Variants in CLIC5 observed in about 807,000 individuals in gnomAD.
CLIC5 encodes the protein CLIC family member 5, also known as chloride intracellular channel protein 5.
A neutral mutation model predicts 24.7 loss-of-function variants in CLIC5; 20 were observed. The observed-to-expected ratio is 0.81, with a 90% CI of 0.57 to 1.18. The LOEUF (loss-of-function observed/expected upper bound fraction) is 1.18, where lower values mean the gene tolerates loss of function less well. Ranked by LOEUF, CLIC5 falls within the 50% of genes most tolerant of loss-of-function variation. CLIC5 has a pLI of 0.00. For missense variants in CLIC5, 341 were observed against 326.1 expected (o/e 1.05, Z -0.35); for synonymous variants, 159 against 135.6 (o/e 1.17, Z -1.20).
rs1765232143 is a variant in CLIC5 at position 45,972,440 on chromosome 6, G to A, written c.64-17196C>T. Among the ~76,000 whole-genome samples the A allele has an allele frequency of 2.6e-5, 4 of 152,106 alleles. No individual in the cohort carries two copies. The South Asian group carries it at 8.3e-4, about 32-fold the overall frequency. The stretch of plus-strand genomic sequence containing the variant: ...AGAACACAATGTCCTACAGCTCCAG[G>A]GTCCTCTTGTAAGTTTATCTCTCAA... On this transcript the variant is annotated intron_variant, in intron 1 of 5. Transcript: ENST00000339561.
At chr6:46,119,494 C>T in the CLIC5 span, among the ~76,000 whole-genome samples, 1 of 152,228 alleles carries the variant, frequency 6.6e-6, no homozygotes, top group Non-Finnish European at 1.5e-5. Context: ...CAGTCTACAG[C>T]TCCCAGCGTG....
chr6:46,080,242 T>C (rs1234573562), exon 1 of CLIC5: 1 of 1,549,316 alleles, frequency 6.5e-7, no homozygotes, highest in African/African-American at 1.4e-5. Flanking sequence ...TCGTCATTCA[T>C]GCTTATTGAT....
upstream of CLIC5, among the ~76,000 whole-genome samples, chr6:46,084,953 C>A (rs1280460379): frequency 6.6e-6 from 1 of 152,198 alleles, no homozygotes; most frequent in African/African-American, 2.4e-5. Flanking sequence ...TCCAATATTT[C>A]TTGGAGGCTT....
At chr6:46,094,326 A>G in the CLIC5 span, among the ~76,000 whole-genome samples, 1 of 152,154 alleles carries the variant, frequency 6.6e-6, no homozygotes, top group South Asian at 2.1e-4. Context: ...CAATTGCCCA[A>G]AGTTTTAACT....
At chr6:46,085,863 C>T in the CLIC5 span, among the ~76,000 whole-genome samples, 5 of 152,254 alleles carry the variant, frequency 3.3e-5, no homozygotes, top group Admixed American at 6.5e-5. Flanking sequence ...CCTACAGAGG[C>T]AGGCAGGACT....
intron 1 of CLIC5, among the ~76,000 whole-genome samples, chr6:46,033,564 G>A (rs1767571617): frequency 6.6e-6 from 1 of 152,170 alleles, no homozygotes; most frequent in Non-Finnish European, 1.5e-5. Context: ...CATTCTGCAG[G>A]TCTCCATAGC....
chr6:46,096,198 C>A, the CLIC5 span, among the ~76,000 whole-genome samples: 1 of 152,160 alleles, frequency 6.6e-6, no homozygotes, highest in African/African-American at 2.4e-5. Context: ...CGCAATGGAA[C>A]AGCACCAAGT....
At chr6:46,022,326 C>G (rs1767207361) in intron 1 of CLIC5, among the ~76,000 whole-genome samples, 1 of 152,186 alleles carries the variant, frequency 6.6e-6, no homozygotes, top group Admixed American at 6.5e-5. Context: ...TAGCAGTACT[C>G]AGTTGAGCCC....
the CLIC5 span, among the ~76,000 whole-genome samples, chr6:46,090,369 G>T: frequency 2.7e-5 from 4 of 150,830 alleles, no homozygotes; most frequent in Non-Finnish European, 5.9e-5. Flanking sequence ...TTTAGGTCTA[G>T]GTCAGAGCTA....
intron 4 of CLIC5, chr6:45,920,033 G>T: frequency 3.4e-6 from 1 of 292,832 alleles, no homozygotes; most frequent in Non-Finnish European, 5.1e-6. Flanking sequence ...ATCACTCCTT[G>T]GGTATTCACG....
intron 1 of CLIC5, among the ~76,000 whole-genome samples, chr6:45,991,159 T>C (rs981431012): frequency 6.6e-6 from 1 of 152,194 alleles, no homozygotes; most frequent in Non-Finnish European, 1.5e-5. Flanking sequence ...CAGAACATAG[T>C]AAAGGAAAGA....
intron 2 of CLIC5, among the ~76,000 whole-genome samples, chr6:45,951,263 A>G (rs1185682278): frequency 6.6e-6 from 1 of 152,208 alleles, no homozygotes; most frequent in East Asian, 1.9e-4. Context: ...AGGAGACCCA[A>G]GAGTCCTAAA....
intron 1 of CLIC5, among the ~76,000 whole-genome samples, chr6:46,074,922 A>C (rs1219565620): frequency 1.3e-5 from 2 of 152,242 alleles, no homozygotes; most frequent in African/African-American, 4.8e-5. Context: ...TTCCCTGACC[A>C]CTGCTCTTTC....
intron 3 of CLIC5, among the ~76,000 whole-genome samples, chr6:45,948,913 T>A (rs1333704413): frequency 6.6e-6 from 1 of 152,124 alleles, no homozygotes; most frequent in East Asian, 1.9e-4. Context: ...GAAGGAAACT[T>A]TGTCCTCACT....
chr6:46,112,867 G>T, the CLIC5 span, among the ~76,000 whole-genome samples: 2 of 152,142 alleles, frequency 1.3e-5, no homozygotes, highest in African/African-American at 4.8e-5. Context: ...GAACAGCCTG[G>T]CCAACATGGT....
chr6:46,036,568 C>T (rs1562017597), intron 1 of CLIC5, among the ~76,000 whole-genome samples: 1 of 152,210 alleles, frequency 6.6e-6, no homozygotes, highest in Admixed American at 6.5e-5. Context: ...CCTCGGCCTC[C>T]CAAAGTGCTG....
chr6:45,974,090 A>G (rs1765295257), intron 1 of CLIC5, among the ~76,000 whole-genome samples: 1 of 152,146 alleles, frequency 6.6e-6, no homozygotes, highest in African/African-American at 2.4e-5. Flanking sequence ...GAACAGTGTG[A>G]TCCCTTTTTG....
At chr6:46,052,314 C>G (rs556991022) in intron 1 of CLIC5, among the ~76,000 whole-genome samples, 2 of 152,132 alleles carry the variant, frequency 1.3e-5, no homozygotes, top group African/African-American at 4.8e-5. Context: ...ACCCTTTGCT[C>G]ATGCACAATG....
chr6:46,040,842 A>G (rs1204048277), intron 1 of CLIC5, among the ~76,000 whole-genome samples: 2 of 152,202 alleles, frequency 1.3e-5, no homozygotes, highest in Admixed American at 1.3e-4. Context: ...GAATACTACA[A>G]ATGCAATGTT....
Sources: gnomAD v4.1 joint callset for allele counts (sites outside exome capture counted in the v4.1 genomes callset) on GRCh38, gnomAD v4.1.1 for gene constraint, MANE v1.5 for transcripts, NCBI Gene and HGNC (gene_info 2026-07-23, HGNC 2026-07-21) for gene names.